VCAM1: variants seen among roughly 807,000 people sequenced by gnomAD.
The protein encoded by VCAM1 is vascular cell adhesion molecule 1.
Under a neutral mutation model 63.8 loss-of-function variants are expected in VCAM1, and 41 were observed. That is an observed-to-expected ratio of 0.64 (90% confidence interval 0.50 to 0.83). VCAM1 has a LOEUF of 0.83. VCAM1 is among the 40% of genes least tolerant of loss of function. VCAM1 has a pLI of 0.00. For missense variants in VCAM1, 798 were observed against 875.5 expected, an observed-to-expected ratio of 0.91 and a Z score of 1.12; for synonymous variants, 338 against 320.7, an observed-to-expected ratio of 1.05 and a Z score of -0.58.
Position 100,731,618 on chromosome 1 carries a change from A to G in VCAM1, c.1525+100A>G. ...AGGTTAATCGTTAAAACCTCTGTGGAGAAAAAACGTTACTGAAAAGAAATT... is the reference window on the plus strand; with the variant it reads ...AGGTTAATCGTTAAAACCTCTGTGGGGAAAAAACGTTACTGAAAAGAAATT... On this transcript the variant is annotated intron_variant, in intron 6 of 8. Transcript: ENST00000294728. This position sits in a 1 kb window ranked among gnomAD's most constrained non-coding sequence, Gnocchi z 4.2. 8.8e-7 allele frequency: 1 copy of G among 1,142,516 alleles called. No homozygotes were observed. Among genetic ancestry groups the G allele is most frequent in the Non-Finnish European group, 1.2e-6 (1 of 819,250 alleles). 70.8% of individuals were successfully genotyped at this position (1,142,516 alleles called of 1,614,324 possible).
At chr1:100,723,445 G>A (rs903866054) in intron 3 of VCAM1, 105 bp downstream of exon 3, 4 of 1,146,642 alleles carry the variant, frequency 3.5e-6, no homozygotes, top group African/African-American at 3.2e-5. Context: ...CTTGTATATA[G>A]TTTGTATTCC....
Position 100,723,105 on chromosome 1 carries a change from A to G in VCAM1, c.426A>G (p.Val142=). 2 of 1,613,064 alleles carry G rather than the reference A, an allele frequency of 1.2e-6. No homozygotes were observed. Among genetic ancestry groups the G allele is most frequent in the Admixed American group, 3.3e-5 (2 of 59,852 alleles). ...CAGTCAAGTGTTCAGTTGCTGATGT[A>G]TACCCATTTGACAGGCTGGAGATAG... The part of the protein sequence containing the change: ...PITVKCSVAD[V]YPFDRLEIDL... Residue 142 remains valine (V), a synonymous_variant, in exon 3 of 9, where the codon GTA becomes GTG. Coordinates refer to ENST00000294728, the MANE Select transcript of VCAM1 (RefSeq NM_001078.4).
At chr1:100,728,641 A>G (rs1660266454) in intron 4 of VCAM1, among the ~76,000 whole-genome samples, 1 of 151,868 alleles carries the variant, frequency 6.6e-6, no homozygotes, top group African/African-American at 2.4e-5. Context: ...GAAGAGAAAG[A>G]GTAGAAGCAG....
chr1:100,735,062 C>A, intron 8 of VCAM1: 1 of 300,560 alleles, frequency 3.3e-6, no homozygotes, highest in Non-Finnish European at 6.2e-6. Flanking sequence ...AACCTTTTCC[C>A]GGGAGGTTAT....
At chr1:100,727,452 G>A (rs1660213259) in intron 4 of VCAM1, among the ~76,000 whole-genome samples, 1 of 152,072 alleles carries the variant, frequency 6.6e-6, no homozygotes, top group South Asian at 2.1e-4. Flanking sequence ...ACTAATAAAA[G>A]TGTGTAAAGC....
At chr1:100,723,872 G>T (rs541100484) in intron 3 of VCAM1, among the ~76,000 whole-genome samples, 1 of 152,112 alleles carries the variant, frequency 6.6e-6, no homozygotes, top group East Asian at 1.9e-4. Flanking sequence ...GGATTTGTGG[G>T]AGTCTTGTAG....
Position 100,731,510 on chromosome 1 carries a change from A to G in VCAM1, c.1517A>G (p.Tyr506Cys). The change falls in exon 6 of 9, where the codon TAT (tyrosine) becomes TGT (cysteine). Residue 506 changes from tyrosine (Y) to cysteine (C), a missense_variant. Transcript: ENST00000294728. This position sits in a 1 kb window ranked among gnomAD's most constrained non-coding sequence, Gnocchi z 4.2. ...CAAAGGCAGAGTACGCAAACACTTTATGTCAATGGTAAGTACATATGTGAG... is the reference window on the plus strand; with the variant it reads ...CAAAGGCAGAGTACGCAAACACTTTGTGTCAATGGTAAGTACATATGTGAG... ...PKQRQSTQTL[Y>C]VNVAPRDTTV... The G allele has an allele frequency of 6.2e-7, 1 of 1,612,606 alleles. No individual in the cohort carries two copies.
intron 8 of VCAM1, 67 bp downstream of exon 8, chr1:100,734,835 T>C (rs559755771): frequency 1.3e-6 from 2 of 1,544,808 alleles, no homozygotes; most frequent in South Asian, 2.5e-5. Context: ...ACTAAGAGTT[T>C]CCAATATTTG....
chr1:100,728,024 G>C (rs1044923326), intron 4 of VCAM1, among the ~76,000 whole-genome samples: 117 of 152,054 alleles, frequency 7.7e-4, no homozygotes, highest in African/African-American at 2.6e-3. Flanking sequence ...TTATGGGGGG[G>C]TCTTATCTGT....
chr1:100,732,841 T>C (rs1660511139), intron 7 of VCAM1, among the ~76,000 whole-genome samples, 157 bp downstream of exon 7: 1 of 152,206 alleles, frequency 6.6e-6, no homozygotes, highest in African/African-American at 2.4e-5. Flanking sequence ...AGAAATCTCC[T>C]GAAATTGTCT....
intron 3 of VCAM1, 79 bp downstream of exon 3, chr1:100,723,419 G>GT: frequency 8.0e-7 from 1 of 1,244,308 alleles, no homozygotes; most frequent in South Asian, 1.7e-5. Context: ...TAGCAGAAAA[G>GT]TAAAAAAAAA....
Position 100,719,843 on chromosome 1 carries a change from T to C in VCAM1, c.-18T>C, listed in dbSNP as rs1054626081. On this transcript the variant is annotated 5_prime_UTR_variant, in exon 1 of 9. Coordinates refer to ENST00000294728, the MANE Select transcript of VCAM1 (RefSeq NM_001078.4). Reference sequence around the variant, plus strand: ...GGGTTTTGGAACCACTATTTTCTCATCACGACAGCAACTTAAAATGCCTGG... The same window carrying C: ...GGGTTTTGGAACCACTATTTTCTCACCACGACAGCAACTTAAAATGCCTGG... The C allele has an allele frequency of 6.2e-7, 1 of 1,610,136 alleles. No homozygotes were observed. Among genetic ancestry groups the C allele is most frequent in the African/African-American group, 1.3e-5 (1 of 74,758 alleles).
At chr1:100,735,684 C>T (rs976489552) in intron 8 of VCAM1, 2 of 152,128 alleles carry the variant, frequency 1.3e-5, no homozygotes, top group African/African-American at 4.8e-5. Flanking sequence ...CAAGCCTTAC[C>T]GTATGTATGT....
At chr1:100,730,176 C>T (rs181545183) in intron 5 of VCAM1, among the ~76,000 whole-genome samples, 2 of 152,162 alleles carry the variant, frequency 1.3e-5, no homozygotes, top group Admixed American at 1.3e-4. Flanking sequence ...AAACCCTGCC[C>T]AAACTTGTGT....
intron 2 of VCAM1, among the ~76,000 whole-genome samples, chr1:100,722,364 C>T (rs1211489747): frequency 6.6e-6 from 1 of 151,980 alleles, no homozygotes; most frequent in African/African-American, 2.4e-5. Flanking sequence ...GTCAGAGGCA[C>T]CATTTTCAGA....
In VCAM1 at chr1:100,723,303, C is replaced by T. The variant is rs1660031595; in HGVS notation, c.624C>T (p.Pro208=). 2 of 1,612,622 alleles carry T rather than the reference C, an allele frequency of 1.2e-6. No individual in the cohort carries two copies. Among genetic ancestry groups the T allele is most frequent in the Non-Finnish European group, 1.7e-6 (2 of 1,179,210 alleles). ...KLHIDEMDSV[P]TVRQAVKELQ... is the part of the protein sequence containing the mutation. ...ACATTGATGAAATGGATTCTGTGCC[C>T]ACAGTAAGGCAGGCTGTAAAAGAAT... The change falls in exon 3 of 9, where the codon CCC becomes CCT. Residue 208 remains proline (P), a synonymous_variant. Coordinates refer to ENST00000294728, the MANE Select transcript of VCAM1 (RefSeq NM_001078.4).
chr1:100,738,450 A>C lies in VCAM1; in HGVS notation c.*167A>C. 1 of 687,722 alleles carries C rather than the reference A, an allele frequency of 1.5e-6. No homozygotes were observed. Among genetic ancestry groups the C allele is most frequent in the Non-Finnish European group, 2.2e-6 (1 of 448,870 alleles). 42.6% of individuals were successfully genotyped at this position (687,722 alleles called of 1,614,324 possible). A position where few individuals can be genotyped will look rare whatever the true frequency, so the allele number is the denominator to read the frequency against. ...TCCCTTGCTGTGAGCAAGAAGTCAA[A>C]GTAAAACTTGCTGCCTGAAGAACAG... On this transcript the variant is annotated 3_prime_UTR_variant, in exon 9 of 9. Transcript: ENST00000294728.
chr1:100,720,873 A>G, intron 2 of VCAM1, 122 bp downstream of exon 2: 1 of 1,203,378 alleles, frequency 8.3e-7, no homozygotes, highest in South Asian at 1.7e-5. Flanking sequence ...GCTAAAGAAC[A>G]TACAACATCA....
chr1:100,735,780 A>C (rs1413274663), intron 8 of VCAM1: 4 of 152,252 alleles, frequency 2.6e-5, no homozygotes, highest in African/African-American at 9.6e-5. Context: ...AGGGGAAAAC[A>C]TCACGATTAT....
Sources: gnomAD v4.1 joint callset for allele counts (sites outside exome capture counted in the v4.1 genomes callset) on GRCh38, gnomAD v4.1.1 for gene constraint, Gnocchi (gnomAD v3.1) non-coding constraint, MANE v1.5 for transcripts, NCBI Gene and HGNC (gene_info 2026-07-23, HGNC 2026-07-21) for gene names.